CNTN1: variants seen among roughly 807,000 people sequenced by gnomAD.
CNTN1 encodes the protein contactin-1.
Under a neutral mutation model 126.4 loss-of-function variants are expected in CNTN1, and 38 were observed. The ratio of observed to expected loss-of-function variants is 0.30; its 90% CI spans 0.23 to 0.39. The LOEUF is 0.39. CNTN1 is among the 10% of genes least tolerant of loss of function. The pLI, the probability that CNTN1 is intolerant of heterozygous loss-of-function variation, is 1.00. For missense variants in CNTN1, 1,009 were observed against 1,248.4 expected (o/e 0.81, Z 2.89); for synonymous variants, 413 against 422.6 (o/e 0.98, Z 0.28).
intron 1 of CNTN1, among the ~76,000 whole-genome samples, chr12:40,841,557 C>T (rs115544515): frequency 1.3e-5 from 2 of 152,046 alleles, no homozygotes; most frequent in African/African-American, 2.4e-5. Flanking sequence ...AATCCAATAA[C>T]ATAACAAAAA....
chr12:40,707,086 A>T (rs888798578), intron 1 of CNTN1, among the ~76,000 whole-genome samples: 2 of 127,118 alleles, frequency 1.6e-5, no homozygotes, highest in Non-Finnish European at 3.5e-5. Context: ...ACACACACAC[A>T]CACCCCTGCT....
intron 1 of CNTN1, among the ~76,000 whole-genome samples, chr12:40,772,747 C>T (rs1435903942): frequency 6.6e-6 from 1 of 151,868 alleles, no homozygotes; most frequent in Non-Finnish European, 1.5e-5. Context: ...TCTCTGGAAT[C>T]AATGCGCCAG....
intron 1 of CNTN1, among the ~76,000 whole-genome samples, chr12:40,744,187 G>T (rs1324004893): frequency 6.6e-6 from 1 of 151,890 alleles, no homozygotes; most frequent in Non-Finnish European, 1.5e-5. Flanking sequence ...ATGCATGTGG[G>T]ACTTAATACC....
intron 1 of CNTN1, among the ~76,000 whole-genome samples, chr12:40,784,929 G>A (rs1372748931): frequency 1.3e-5 from 2 of 152,102 alleles, no homozygotes; most frequent in African/African-American, 2.4e-5. Context: ...TGTGGTTACA[G>A]ATTCATAGTC....
chr12:40,743,723 C>T (rs572342930), intron 1 of CNTN1, among the ~76,000 whole-genome samples: 2 of 151,928 alleles, frequency 1.3e-5, no homozygotes, highest in Admixed American at 1.3e-4. Context: ...AAAATATTCT[C>T]CCATTTTGTA....
At chr12:41,013,121 A>T (rs1417758781) in intron 17 of CNTN1, among the ~76,000 whole-genome samples, 1 of 152,082 alleles carries the variant, frequency 6.6e-6, no homozygotes, top group Non-Finnish European at 1.5e-5. Flanking sequence ...CATAGGGCTC[A>T]CAGATTGGTT....
chr12:41,031,674 T>C (rs2120873028), intron 23 of CNTN1, among the ~76,000 whole-genome samples: 1 of 152,246 alleles, frequency 6.6e-6, no homozygotes, highest in South Asian at 2.1e-4. Flanking sequence ...ACTTAGGATA[T>C]TTTTCATATT....
chr12:40,991,426 G>T (rs1948092235), intron 16 of CNTN1, among the ~76,000 whole-genome samples: 1 of 151,672 alleles, frequency 6.6e-6, no homozygotes, highest in Non-Finnish European at 1.5e-5. Context: ...ACATTTACAG[G>T]TTCTGGTAAT....
chr12:40,886,572 T>G (rs1237794294), intron 1 of CNTN1, among the ~76,000 whole-genome samples: 2 of 152,192 alleles, frequency 1.3e-5, no homozygotes, highest in Non-Finnish European at 2.9e-5. Context: ...TTTAGTTTAA[T>G]TAGATCCCAT....
intron 1 of CNTN1, among the ~76,000 whole-genome samples, chr12:40,720,713 G>C (rs768942721): frequency 2.0e-5 from 3 of 152,008 alleles, no homozygotes; most frequent in Admixed American, 2.0e-4. Flanking sequence ...TGGATCACGA[G>C]GTCAGGAGAT....
At chr12:40,795,305 ACACACACACACACAT>A (rs1190502632) in intron 1 of CNTN1, among the ~76,000 whole-genome samples, 131 of 13,664 alleles carry the variant, frequency 9.6e-3, no homozygotes, top group Non-Finnish European at 0.017. Flanking sequence ...ACACACACAC[ACACACACACACACAT>A]TTTTTTTTTT....
chr12:40,723,079 C>T (rs916147124), intron 1 of CNTN1, among the ~76,000 whole-genome samples: 5 of 152,018 alleles, frequency 3.3e-5, no homozygotes, highest in Non-Finnish European at 7.3e-5. Flanking sequence ...AAAGTAGCCG[C>T]CATAGAGAGC....
chr12:40,823,490 A>G (rs571989735), intron 1 of CNTN1, among the ~76,000 whole-genome samples: 40 of 152,366 alleles, frequency 2.6e-4, no homozygotes, highest in African/African-American at 9.4e-4. Context: ...ATCAAATTAA[A>G]TCAGTTTAGT....
At chr12:41,034,484 G>A (rs895110794) in intron 23 of CNTN1, among the ~76,000 whole-genome samples, 1 of 152,128 alleles carries the variant, frequency 6.6e-6, no homozygotes, top group Non-Finnish European at 1.5e-5. Flanking sequence ...GTGTAAGAGG[G>A]ACAAGAGGAT....
intron 4 of CNTN1, among the ~76,000 whole-genome samples, chr12:40,921,489 A>G (rs1477881468): frequency 2.6e-5 from 4 of 152,186 alleles, no homozygotes; most frequent in African/African-American, 9.6e-5. Context: ...CCCTGTTTCC[A>G]GTCTATTTAT....
intron 1 of CNTN1, among the ~76,000 whole-genome samples, chr12:40,707,230 T>TC: frequency 1.3e-3 from 2 of 1,536 alleles, no homozygotes; most frequent in Non-Finnish European, 2.9e-3. Flanking sequence ...TCTTTTTCTT[T>TC]TTTTTTTTTT....
chr12:40,786,895 C>A (rs911661963), intron 1 of CNTN1, among the ~76,000 whole-genome samples: 2 of 152,066 alleles, frequency 1.3e-5, no homozygotes, highest in African/African-American at 4.8e-5. Context: ...ATTTAACCGG[C>A]CTCATTATTG....
chr12:40,751,490 G>A (rs1430009157), intron 1 of CNTN1, among the ~76,000 whole-genome samples: 1 of 151,982 alleles, frequency 6.6e-6, no homozygotes, highest in African/African-American at 2.4e-5. Context: ...AGGAGAAGGA[G>A]TCAAAGGAGA....
intron 1 of CNTN1, among the ~76,000 whole-genome samples, chr12:40,882,868 C>T (rs1943913844): frequency 6.6e-6 from 1 of 151,486 alleles, no homozygotes; most frequent in Non-Finnish European, 1.5e-5. Context: ...TTGCTTTGCA[C>T]ATATGAAGCT....
Sources: allele counts gnomAD v4.1 joint callset (sites outside exome capture counted in the v4.1 genomes callset), GRCh38; gene constraint gnomAD v4.1.1; transcripts MANE v1.5; gene names NCBI Gene and HGNC (gene_info 2026-07-23, HGNC 2026-07-21).